Variants in STARD9 observed in about 807,000 individuals in gnomAD.
STARD9 encodes the protein StAR related lipid transfer domain containing 9.
STARD9 carries 346 observed loss-of-function variants against 399.8 expected under a neutral mutation model. The observed-to-expected ratio is 0.87, with a 90% CI of 0.79 to 0.95. STARD9 has a LOEUF of 0.95. STARD9 is among the 40% of genes least tolerant of loss of function. The pLI, the probability that STARD9 is intolerant of heterozygous loss-of-function variation, is 0.00. For missense variants in STARD9, 5,832 were observed against 5,667.5 expected, an observed-to-expected ratio of 1.03 and a Z score of -0.93; for synonymous variants, 2,203 against 2,143.5, an observed-to-expected ratio of 1.03 and a Z score of -0.77.
intron 16 of STARD9, chr15:42,672,432 T>A (rs573243555): frequency 6.6e-6 from 1 of 152,234 alleles, no homozygotes; most frequent in Non-Finnish European, 1.5e-5. Context: ...CTTTTGTTGG[T>A]AATTTCTACC....
At chr15:42,603,280 C>T (rs1330940490) in intron 3 of STARD9, among the ~76,000 whole-genome samples, 3 of 152,080 alleles carry the variant, frequency 2.0e-5, no homozygotes, top group Non-Finnish European at 4.4e-5. Flanking sequence ...TGCTACCACA[C>T]CTGACTAATT....
At chr15:42,589,861 T>G (rs1460085001) in intron 3 of STARD9, among the ~76,000 whole-genome samples, 1 of 151,416 alleles carries the variant, frequency 6.6e-6, no homozygotes, top group Non-Finnish European at 1.5e-5. Flanking sequence ...TGCCTTGGCC[T>G]CCCAAAGTGC....
Position 42,719,573 on chromosome 15 carries a change from A to G in STARD9, c.14102A>G (p.Ter4701TrpextTer53). ...IARLASFLGR[*>W] Reference sequence around the variant, plus strand: ...AGACTGGCTTCCTTCCTTGGTAGGTAGCATCTCACCGTCAAGATGGTGCTG... The same window carrying G: ...AGACTGGCTTCCTTCCTTGGTAGGTGGCATCTCACCGTCAAGATGGTGCTG... The change falls in exon 33 of 33, where the codon TAG becomes TGG. Residue 4701 changes from the stop codon to tryptophan, a stop_lost. Coordinates refer to ENST00000290607, the MANE Select transcript of STARD9 (RefSeq NM_020759.3). 2 of 1,530,316 alleles carry G rather than the reference A, an allele frequency of 1.3e-6. No individual in the cohort carries two copies. The highest frequency in any genetic ancestry group is 1.8e-6 in the Non-Finnish European group (2 of 1,140,710). The allele number at this position is 1,530,316 out of a possible 1,614,324, so 94.8% of individuals were successfully genotyped here.
chr15:42,581,758 G>T (rs2058177300), intron 1 of STARD9, among the ~76,000 whole-genome samples: 1 of 152,170 alleles, frequency 6.6e-6, no homozygotes, highest in South Asian at 2.1e-4. Flanking sequence ...GTAAAATAGG[G>T]ATAACTACTT....
intron 28 of STARD9, 125 bp downstream of exon 28, chr15:42,717,173 G>A: frequency 1.9e-6 from 2 of 1,063,602 alleles, no homozygotes; most frequent in Non-Finnish European, 2.7e-6. Context: ...CATCTTCAGT[G>A]GTTCTTCATC....
At chr15:42,599,941 A>G (rs895745567) in intron 3 of STARD9, among the ~76,000 whole-genome samples, 5 of 152,214 alleles carry the variant, frequency 3.3e-5, no homozygotes, top group African/African-American at 1.2e-4. Context: ...AATCCAGAAG[A>G]ATAACATATC....
At chr15:42,598,264 C>T (rs1173578494) in intron 3 of STARD9, among the ~76,000 whole-genome samples, 1 of 151,494 alleles carries the variant, frequency 6.6e-6, no homozygotes, top group Non-Finnish European at 1.5e-5. Flanking sequence ...ATCTCCTGAC[C>T]TCGTGATCTG....
intron 26 of STARD9, among the ~76,000 whole-genome samples, chr15:42,701,319 G>A (rs2060959965): frequency 6.6e-6 from 1 of 152,182 alleles, no homozygotes; most frequent in Admixed American, 6.5e-5. Flanking sequence ...CATTGAATCT[G>A]TAGATTGCTT....
rs2061385657 is a variant in STARD9, at chr15:42,718,123, A to T, written c.13706A>T (p.Tyr4569Phe). The T allele has an allele frequency of 2.0e-6, 3 of 1,537,072 alleles. No homozygotes were observed. Among genetic ancestry groups the T allele is most frequent in the Non-Finnish European group, 2.6e-6 (3 of 1,146,916 alleles). ...VSDPTVWPLY[Y>F]KPIQTARLHQ... is the part of the protein sequence containing the mutation. ...GACCCCACTGTGTGGCCCCTGTATT[A>T]CAAGCCCATCCAGACAGCAAGGCTG... Residue 4569 changes from tyrosine (Y) to phenylalanine (F), a missense_variant, in exon 30 of 33, where the codon TAC (tyrosine) becomes TTC (phenylalanine). Coordinates refer to ENST00000290607, the MANE Select transcript of STARD9 (RefSeq NM_020759.3).
intron 15 of STARD9, among the ~76,000 whole-genome samples, chr15:42,668,542 T>G (rs993579897): frequency 1.3e-5 from 2 of 152,190 alleles, no homozygotes; most frequent in South Asian, 4.1e-4. Context: ...TACATTTACT[T>G]TTAAAAACTC....
Position 42,686,055 on chromosome 15 carries a change from C to CT in STARD9, c.4479dup (p.Glu1494Ter). 2.6e-6 allele frequency: 4 copies of CT among 1,537,196 alleles called. No individual in the cohort carries two copies. The highest frequency in any genetic ancestry group is 2.6e-6 in the Non-Finnish European group (3 of 1,146,818). ...GTCTGCCCTTCAGCAGAAGTACCTC[C>CT]TTGAACTCTCTTGTCCTGTTTTGGA... On this transcript the variant is annotated frameshift_variant, in exon 23 of 33. Coordinates refer to ENST00000290607, the MANE Select transcript of STARD9 (RefSeq NM_020759.3). LOFTEE classifies it high-confidence loss of function.
chr15:42,689,582 T>C lies in STARD9; in HGVS notation c.8004T>C (p.His2668=), dbSNP rs548681289. 2.2e-5 allele frequency: 34 copies of C among 1,537,320 alleles called. 1 individual carries two copies. The East Asian group carries it at 7.6e-4, about 34-fold the overall frequency. ...GGGATCCTGTGCAGGCTTTCTCCCA[T>C]GCTGCTCCTGCTCAAGACAGGAAAC... ...EPWDPVQAFS[H]AAPAQDRKRR... is the part of the protein sequence containing the mutation. Residue 2668 remains histidine, a synonymous_variant, in exon 23 of 33, where the codon CAT becomes CAC. Transcript: ENST00000290607.
In STARD9 at chr15:42,716,708, T is replaced by C. The variant is rs1176577083; in HGVS notation, c.13316T>C (p.Val4439Ala). 3.3e-6 allele frequency: 5 copies of C among 1,536,958 alleles called. No individual in the cohort carries two copies. Among genetic ancestry groups the C allele is most frequent in the Non-Finnish European group, 4.4e-6 (5 of 1,146,650 alleles). ...GHTNLPDSRD[V>A]WIGDERGGHS... ...ACAAACTTGCCTGATTCCAGGGATGTATGGATAGGGGATGAGCGAGGAGGC... is the reference window on the plus strand; with the variant it reads ...ACAAACTTGCCTGATTCCAGGGATGCATGGATAGGGGATGAGCGAGGAGGC... Residue 4439 changes from valine (V) to alanine (A), a missense_variant, in exon 27 of 33, where the codon GTA (valine) becomes GCA (alanine). Coordinates refer to ENST00000290607, the MANE Select transcript of STARD9 (RefSeq NM_020759.3).
intron 16 of STARD9, chr15:42,669,567 T>C (rs1364574816): frequency 2.6e-6 from 1 of 390,590 alleles, no homozygotes; most frequent in Non-Finnish European, 4.6e-6. Context: ...TTTCAACTGC[T>C]GCTACTGTTG....
In STARD9 at chr15:42,716,952, C is replaced by T. The variant is rs1405387640; in HGVS notation, c.13398C>T (p.Cys4466=). Residue 4466 remains cysteine (C), a synonymous_variant, in exon 28 of 33, where the codon TGC becomes TGT. Coordinates refer to ENST00000290607, the MANE Select transcript of STARD9 (RefSeq NM_020759.3). The part of the protein sequence containing the change: ...AYSHRASLGS[C]CCSPSSLSSL... Reference sequence around the variant, plus strand: ...GCCACAGAGCCTCCCTGGGCAGTTGCTGCTGTTCACCATCCAGTCTGTCCA... The same window carrying T: ...GCCACAGAGCCTCCCTGGGCAGTTGTTGCTGTTCACCATCCAGTCTGTCCA... The T allele has an allele frequency of 2.0e-6, 3 of 1,537,242 alleles. No individual in the cohort carries two copies. The highest frequency in any genetic ancestry group is 1.2e-5 in the South Asian group (1 of 84,058).
chr15:42,697,522 G>A (rs1214626752), intron 26 of STARD9, among the ~76,000 whole-genome samples: 1 of 152,006 alleles, frequency 6.6e-6, no homozygotes, highest in Non-Finnish European at 1.5e-5. Context: ...ACACATACAG[G>A]TTGAGCATCC....
At chr15:42,660,511 G>T (rs930772445) in intron 9 of STARD9, among the ~76,000 whole-genome samples, 7 of 150,766 alleles carry the variant, frequency 4.6e-5, no homozygotes, top group South Asian at 2.1e-4. Flanking sequence ...GTTGCAGTGG[G>T]CCGAGATCGT....
At chr15:42,612,533 T>G (rs1017500698) in intron 3 of STARD9, among the ~76,000 whole-genome samples, 1 of 152,196 alleles carries the variant, frequency 6.6e-6, no homozygotes, top group Admixed American at 6.5e-5. Context: ...CTCACAGGAT[T>G]CTAATGAATC....
At chr15:42,588,470 CTTGT>C (rs2058324878) in intron 3 of STARD9, among the ~76,000 whole-genome samples, 1 of 152,082 alleles carries the variant, frequency 6.6e-6, no homozygotes, top group Non-Finnish European at 1.5e-5. Context: ...TTTCTTCTGG[CTTGT>C]TTATTAATTG....
Sources: allele counts gnomAD v4.1 joint callset (sites outside exome capture counted in the v4.1 genomes callset), GRCh38; gene constraint gnomAD v4.1.1; transcripts MANE v1.5; gene names NCBI Gene and HGNC (gene_info 2026-07-23, HGNC 2026-07-21).